DAW1: variants seen among roughly 807,000 people sequenced by gnomAD.
The protein encoded by DAW1 is dynein assembly factor with WD repeats 1.
DAW1 carries 47 observed loss-of-function variants against 56.5 expected under a neutral mutation model. The observed-to-expected ratio is 0.83, with a 90% CI of 0.66 to 1.06. DAW1 has a LOEUF of 1.06. Ranked by LOEUF, DAW1 falls within the 50% of genes least tolerant of loss-of-function variation. The probability of loss-of-function intolerance (pLI) is 0.00; values close to 1 mark genes in which losing one functional copy is unlikely to be tolerated. For synonymous variants in DAW1, 190 were observed against 179.0 expected (o/e 1.06, Z -0.49); for missense variants, 505 against 499.3 (o/e 1.01, Z -0.11).
At chr2:227,891,176 T>C in intron 3 of DAW1, 79 bp from the exon 4 acceptor site, 2 of 1,288,398 alleles carry the variant, frequency 1.6e-6, no homozygotes, top group Middle Eastern at 1.9e-4. Context: ...AAAAATTGAA[T>C]GTCTTCATTG....
intron 1 of DAW1, among the ~76,000 whole-genome samples, chr2:227,877,091 A>G (rs1446524482): frequency 6.6e-6 from 1 of 152,232 alleles, no homozygotes; most frequent in Non-Finnish European, 1.5e-5. Context: ...TTATTGAATA[A>G]TGCACAATCA....
At chr2:227,891,397 C>T in intron 4 of DAW1, 84 bp downstream of exon 4, 1 of 1,160,142 alleles carries the variant, frequency 8.6e-7, no homozygotes, top group Non-Finnish European at 1.3e-6. Context: ...TAGATAAGTA[C>T]ATAATATATT....
intron 8 of DAW1, among the ~76,000 whole-genome samples, chr2:227,906,009 C>T (rs1052929942): frequency 2.0e-5 from 3 of 152,186 alleles, no homozygotes; most frequent in Admixed American, 2.0e-4. Flanking sequence ...CCTGCCTCGG[C>T]CTCACAGAGT....
In DAW1 at chr2:227,907,144, G is replaced by A; in HGVS notation, c.865G>A (p.Asp289Asn). 1 of 1,606,158 alleles carries A rather than the reference G, an allele frequency of 6.2e-7. No homozygotes were observed. The highest frequency in any genetic ancestry group is 8.5e-7 in the Non-Finnish European group (1 of 1,175,432). ...TTTGTTCTTTTAATTGTAGCTGTGG[G>A]ATGCTACAAATGGAAAATGTGTGGC... ...GSMDKTCKLW[D>N]ATNGKCVATL... The change falls in exon 10 of 13, where the codon GAT (aspartate) becomes AAT (asparagine). Residue 289 changes from aspartate to asparagine, a missense_variant. Asp to Asn is a conservative substitution (Grantham distance 23). Transcript: ENST00000309931.
At chr2:227,902,363 A>T (rs1242921665) in intron 6 of DAW1, among the ~76,000 whole-genome samples, 1 of 152,130 alleles carries the variant, frequency 6.6e-6, no homozygotes, top group Non-Finnish European at 1.5e-5. Flanking sequence ...CCGGGGTGTC[A>T]GTTGAATGGG....
intron 8 of DAW1, 82 bp downstream of exon 8, chr2:227,905,117 T>A: frequency 1.7e-6 from 2 of 1,147,270 alleles, no homozygotes; most frequent in Non-Finnish European, 2.5e-6. Flanking sequence ...TTTAAGCTAC[T>A]ATCTATTAAC....
intron 1 of DAW1, among the ~76,000 whole-genome samples, chr2:227,878,983 C>T (rs974748667): frequency 1.3e-5 from 2 of 152,000 alleles, no homozygotes; most frequent in Admixed American, 6.5e-5. Context: ...GACAGGGTTT[C>T]ACCATGTTGC....
chr2:227,919,196 G>GA (rs199807073), intron 11 of DAW1, among the ~76,000 whole-genome samples: 4 of 108,016 alleles, frequency 3.7e-5, no homozygotes, highest in African/African-American at 7.5e-5. Flanking sequence ...ACCCTATCTA[G>GA]AAAAAAAAAA....
intron 1 of DAW1, among the ~76,000 whole-genome samples, chr2:227,883,767 C>A (rs1025783354): frequency 6.6e-6 from 1 of 152,154 alleles, no homozygotes; most frequent in Non-Finnish European, 1.5e-5. Context: ...TAAAACAGTG[C>A]TACTCTTCTT....
rs747521059 is a variant in DAW1, at chr2:227,906,287, C to T, written c.807C>T (p.Phe269=). 7.4e-6 allele frequency: 12 copies of T among 1,613,256 alleles called. No individual in the cohort carries two copies. Among genetic ancestry groups the T allele is most frequent in the Non-Finnish European group, 9.3e-6 (11 of 1,179,584 alleles). ...GHCAEISSAS[F]NWDCSLILTG... is the part of the protein sequence containing the mutation. ...GTGCTGAGATTAGCAGTGCCTCATTCAATTGGGATTGCTCTCTAATATTAA... is the reference window on the plus strand; with the variant it reads ...GTGCTGAGATTAGCAGTGCCTCATTTAATTGGGATTGCTCTCTAATATTAA... The change falls in exon 9 of 13, where the codon TTC becomes TTT. Residue 269 remains phenylalanine, a synonymous_variant. Transcript: ENST00000309931.
At chr2:227,900,950 G>T (rs1211308889) in intron 6 of DAW1, among the ~76,000 whole-genome samples, 1 of 152,190 alleles carries the variant, frequency 6.6e-6, no homozygotes, top group African/African-American at 2.4e-5. Context: ...TATGCAGGAG[G>T]TTATATACTA....
chr2:227,918,418 G>C (rs897329511), intron 10 of DAW1, among the ~76,000 whole-genome samples: 14 of 152,296 alleles, frequency 9.2e-5, no homozygotes, highest in African/African-American at 3.4e-4. Flanking sequence ...CTCACACCTA[G>C]TGTATCATGC....
rs1407533430 is a variant in DAW1 at position 227,921,511 on chromosome 2, A to G, written c.1163A>G (p.Asp388Gly). The change falls in exon 12 of 13, where the codon GAT (aspartate) becomes GGT (glycine). Residue 388 changes from aspartate (D) to glycine (G), a missense_variant. Coordinates refer to ENST00000309931, the MANE Select transcript of DAW1 (RefSeq NM_178821.3). ...QCLQVLEGHT[D>G]EIFSCAFNYK... ...CTCCAGGTTCTTGAGGGGCACACTGATGAAATCTTTTCATGTGCTTTCAAC... is the reference window on the plus strand; with the variant it reads ...CTCCAGGTTCTTGAGGGGCACACTGGTGAAATCTTTTCATGTGCTTTCAAC... 1 of 1,613,854 alleles carries G rather than the reference A, an allele frequency of 6.2e-7. No homozygotes were observed. Among genetic ancestry groups the G allele is most frequent in the South Asian group, 1.1e-5 (1 of 91,066 alleles).
At chr2:227,902,200 C>A (rs1006469327) in intron 6 of DAW1, among the ~76,000 whole-genome samples, 2 of 152,124 alleles carry the variant, frequency 1.3e-5, no homozygotes, top group Non-Finnish European at 2.9e-5. Flanking sequence ...CTGTGCTGTT[C>A]TCTTAAGCTA....
At chr2:227,885,619 G>A (rs1691107833) in intron 2 of DAW1, among the ~76,000 whole-genome samples, 196 bp downstream of exon 2, 1 of 151,738 alleles carries the variant, frequency 6.6e-6, no homozygotes, top group African/African-American at 2.4e-5. Flanking sequence ...TGGGAAAAGG[G>A]TTATCACTCT....
chr2:227,897,310 C>T (rs1471483113), intron 5 of DAW1, among the ~76,000 whole-genome samples: 1 of 151,840 alleles, frequency 6.6e-6, no homozygotes, highest in Non-Finnish European at 1.5e-5. Flanking sequence ...TCTGAGAGAC[C>T]ACCTAGACAC....
At chr2:227,910,495 A>AACACACACACACACACACACACAC (rs55741229) in intron 10 of DAW1, among the ~76,000 whole-genome samples, 1 of 145,258 alleles carries the variant, frequency 6.9e-6, no homozygotes, top group African/African-American at 2.5e-5. Context: ...TTTGTGGATG[A>AACACACACACACACACACACACAC]ACACACACAC....
At chr2:227,921,627 A>G in intron 12 of DAW1, 66 bp downstream of exon 12, 1 of 1,531,222 alleles carries the variant, frequency 6.5e-7, no homozygotes, top group Non-Finnish European at 8.9e-7. Flanking sequence ...CCCAAGCTGA[A>G]TACTAACAGG....
Position 227,879,030 on chromosome 2 carries a change from C to T in DAW1, c.41-6321C>T, listed in dbSNP as rs184579089. 1.6e-3 allele frequency among the ~76,000 whole-genome samples: 247 copies of T among 152,220 alleles called. 1 individual carries two copies. Among genetic ancestry groups the T allele is most frequent in the African/African-American group, 5.6e-3 (232 of 41,542 alleles). ...TGAACTCCTGGCCTCAAGTGACCTG[C>T]CCGCCTCGGCCTCCCAAAGTACTGG... is the stretch of plus-strand genomic sequence containing the variant. On this transcript the variant is annotated intron_variant, in intron 1 of 12. Coordinates refer to ENST00000309931, the MANE Select transcript of DAW1 (RefSeq NM_178821.3).
Sources: allele counts gnomAD v4.1 joint callset (sites outside exome capture counted in the v4.1 genomes callset), GRCh38; gene constraint gnomAD v4.1.1; transcripts MANE v1.5; gene names NCBI Gene and HGNC (gene_info 2026-07-23, HGNC 2026-07-21).